LYPD6: variants seen among roughly 807,000 people sequenced by gnomAD.
LYPD6 encodes LY6/PLAUR domain containing 6, also known as ly6/PLAUR domain-containing protein 6.
Under a neutral mutation model 22.7 loss-of-function variants are expected in LYPD6, and 15 were observed. The ratio of observed to expected loss-of-function variants is 0.66; its 90% CI spans 0.44 to 1.02. The LOEUF (loss-of-function observed/expected upper bound fraction) is 1.02, where lower values mean the gene tolerates loss of function less well. Among genes scored for constraint, LYPD6 ranks in the 50% least tolerant of loss-of-function variants. The pLI is 0.00. For missense variants in LYPD6, 189 were observed against 208.4 expected (o/e 0.91, Z 0.57); for synonymous variants, 72 against 77.5 (o/e 0.93, Z 0.37).
At position 149,458,277 on chromosome 2, in the gene LYPD6, C is replaced by T. The variant is rs565193942; in HGVS notation, c.217+9130C>T. ...TGTCAATGGAGACCGTGTTAGGGAG[C>T]CTAGACTTTCACCTCCACCAGCAAC... On this transcript the variant is annotated intron_variant, in intron 3 of 4. Transcript: ENST00000334166. Among the ~76,000 whole-genome samples the T allele has an allele frequency of 9.2e-5, 14 of 152,138 alleles. No individual in the cohort carries two copies. In the South Asian group the frequency reaches 1.7e-3, roughly 18 times the overall value.
chr2:149,344,768 T>C (rs761647266), intron 1 of LYPD6, among the ~76,000 whole-genome samples: 66 of 152,176 alleles, frequency 4.3e-4, no homozygotes, highest in Non-Finnish European at 8.2e-4. Context: ...GAGGAAGGTA[T>C]AGACATCCAG....
chr2:149,443,118 T>G (rs1254691387), intron 2 of LYPD6, among the ~76,000 whole-genome samples: 1 of 152,242 alleles, frequency 6.6e-6, no homozygotes. Context: ...AGGCCTCTTA[T>G]GTAAGAAATA....
chr2:149,342,816 C>G (rs555077497), intron 1 of LYPD6, among the ~76,000 whole-genome samples: 3 of 152,154 alleles, frequency 2.0e-5, no homozygotes, highest in Non-Finnish European at 1.5e-5. Flanking sequence ...AGCATCAGCT[C>G]CCCACAGTCC....
At chr2:149,425,346 C>G (rs939415059) in intron 1 of LYPD6, among the ~76,000 whole-genome samples, 7 of 152,070 alleles carry the variant, frequency 4.6e-5, no homozygotes, top group African/African-American at 1.7e-4. Context: ...TAAGAGAGCT[C>G]AAGAATTTGA....
At chr2:149,385,964 A>G (rs562755204) in intron 1 of LYPD6, among the ~76,000 whole-genome samples, 10 of 152,252 alleles carry the variant, frequency 6.6e-5, no homozygotes, top group Admixed American at 1.3e-4. Flanking sequence ...TTCCCCAGGT[A>G]TGGTTAAATA....
chr2:149,369,664 A>G (rs1191753130), intron 1 of LYPD6, among the ~76,000 whole-genome samples: 1 of 152,184 alleles, frequency 6.6e-6, no homozygotes, highest in Non-Finnish European at 1.5e-5. Flanking sequence ...AGTGGCAGGA[A>G]GAGGGGTCAA....
chr2:149,388,524 C>T (rs934060322), intron 1 of LYPD6, among the ~76,000 whole-genome samples: 1 of 151,850 alleles, frequency 6.6e-6, no homozygotes, highest in Non-Finnish European at 1.5e-5. Context: ...TTGAGCAAAG[C>T]CAAGCACAAG....
chr2:149,406,454 T>C lies in LYPD6; in HGVS notation c.-71-31184T>C, dbSNP rs575502233. 2.6e-5 allele frequency among the ~76,000 whole-genome samples: 4 copies of C among 151,966 alleles called. No homozygotes were observed. In the East Asian group the frequency reaches 5.8e-4, roughly 22 times the overall value. ...CATATATATTTAGGATAGTTAGCTC[T>C]TCTTGTTGAATTGATCCCTTTACCA... On this transcript the variant is annotated intron_variant, in intron 1 of 4. Coordinates refer to ENST00000334166, the MANE Select transcript of LYPD6 (RefSeq NM_194317.5).
chr2:149,386,990 C>A (rs1277900715), intron 1 of LYPD6, among the ~76,000 whole-genome samples: 1 of 152,150 alleles, frequency 6.6e-6, no homozygotes, highest in Non-Finnish European at 1.5e-5. Flanking sequence ...TCTGTCCCCA[C>A]CCCCAACATG....
At chr2:149,483,985 G>T in the LYPD6 span, among the ~76,000 whole-genome samples, 1 of 152,262 alleles carries the variant, frequency 6.6e-6, no homozygotes, top group South Asian at 2.1e-4. Context: ...ACCAAAAAGC[G>T]AAGTGACCTC....
At chr2:149,424,620 G>C (rs1683152262) in intron 1 of LYPD6, among the ~76,000 whole-genome samples, 1 of 152,150 alleles carries the variant, frequency 6.6e-6, no homozygotes, top group East Asian at 1.9e-4. Flanking sequence ...GGTGTGAGGA[G>C]AGGGGATGGG....
chr2:149,470,158 T>C (rs1681298341), intron 4 of LYPD6, among the ~76,000 whole-genome samples: 1 of 152,096 alleles, frequency 6.6e-6, no homozygotes, highest in African/African-American at 2.4e-5. Context: ...AAAGCAGGAG[T>C]AACTGCATGA....
intron 1 of LYPD6, among the ~76,000 whole-genome samples, chr2:149,412,705 C>G (rs1168210858): frequency 1.3e-5 from 2 of 151,932 alleles, no homozygotes; most frequent in Non-Finnish European, 2.9e-5. Context: ...GCATTGTGAG[C>G]AATATTATCG....
chr2:149,393,707 C>T (rs962810428), intron 1 of LYPD6, among the ~76,000 whole-genome samples: 1 of 152,178 alleles, frequency 6.6e-6, no homozygotes, highest in African/African-American at 2.4e-5. Context: ...AAGTATTATG[C>T]ACAAATCTGA....
At chr2:149,405,742 G>A (rs561137967) in intron 1 of LYPD6, among the ~76,000 whole-genome samples, 1 of 151,674 alleles carries the variant, frequency 6.6e-6, no homozygotes, top group Non-Finnish European at 1.5e-5. Flanking sequence ...CTTCAGTTCT[G>A]CTCTGATTTT....
chr2:149,331,701 C>G (rs901215206), intron 1 of LYPD6, among the ~76,000 whole-genome samples: 2 of 152,150 alleles, frequency 1.3e-5, no homozygotes, highest in African/African-American at 4.8e-5. Flanking sequence ...ACAGCATTGA[C>G]CTCCCAGAGC....
rs113615324 is a variant in LYPD6, at chr2:149,360,609, G to GTT, written c.-72+29899_-72+29900dup. Among the ~76,000 whole-genome samples the GTT allele has an allele frequency of 2.6e-3, 375 of 141,510 alleles. 1 individual carries two copies. Among genetic ancestry groups the GTT allele is most frequent in the African/African-American group, 8.5e-3 (332 of 38,908 alleles). The allele number at this position is 141,510 out of a possible 152,430, so 92.8% of individuals were successfully genotyped here. A position where few individuals can be genotyped will look rare whatever the true frequency, so the allele number is the denominator to read the frequency against. On this transcript the variant is annotated intron_variant, in intron 1 of 4. Coordinates refer to ENST00000334166, the MANE Select transcript of LYPD6 (RefSeq NM_194317.5). ...TACTTCCTTAATTTAGTCTTTACTT[G>GTT]TTTTTTTTTTTTTCCCTCTGGACTA...
chr2:149,430,300 A>C (rs571104702), intron 1 of LYPD6, among the ~76,000 whole-genome samples: 2 of 152,232 alleles, frequency 1.3e-5, no homozygotes, highest in Admixed American at 6.5e-5. Flanking sequence ...GGGTTTTACC[A>C]TGTTGGCCAG....
At chr2:149,443,181 T>G (rs1265811028) in intron 2 of LYPD6, among the ~76,000 whole-genome samples, 1 of 152,210 alleles carries the variant, frequency 6.6e-6, no homozygotes, top group Admixed American at 6.5e-5. Flanking sequence ...AAAAGTCTAT[T>G]AAGTAATTCA....
Sources: allele counts gnomAD v4.1 joint callset (sites outside exome capture counted in the v4.1 genomes callset), GRCh38; gene constraint gnomAD v4.1.1; transcripts MANE v1.5; gene names NCBI Gene and HGNC (gene_info 2026-07-23, HGNC 2026-07-21).